NRXN1: variants seen among roughly 807,000 people sequenced by gnomAD.
The protein encoded by NRXN1 is neurexin 1, also known as neurexin-1.
NRXN1 carries 39 observed loss-of-function variants against 150.9 expected under a neutral mutation model. The observed-to-expected ratio is 0.26, with a 90% CI of 0.20 to 0.34. NRXN1 has a LOEUF of 0.34. Among genes scored for constraint, NRXN1 ranks in the 10% least tolerant of loss-of-function variants. NRXN1 has a pLI of 1.00. For missense variants in NRXN1, 1,815 were observed against 1,949.9 expected, an observed-to-expected ratio of 0.93 and a Z score of 1.30; for synonymous variants, 924 against 757.0, an observed-to-expected ratio of 1.22 and a Z score of -3.62.
chr2:50,518,773 T>C (rs570931045), intron 12 of NRXN1, among the ~76,000 whole-genome samples: 1 of 151,846 alleles, frequency 6.6e-6, no homozygotes, highest in Non-Finnish European at 1.5e-5. Flanking sequence ...GAATTTACCT[T>C]TTACTTTCCA....
chr2:50,707,108 G>T (rs760860558), intron 5 of NRXN1, among the ~76,000 whole-genome samples: 1 of 152,064 alleles, frequency 6.6e-6, no homozygotes, highest in Non-Finnish European at 1.5e-5. Context: ...ATTTTCTAAA[G>T]GAAAATAGGT....
At chr2:50,067,298 C>T (rs1695512556) in intron 19 of NRXN1, among the ~76,000 whole-genome samples, 1 of 152,180 alleles carries the variant, frequency 6.6e-6, no homozygotes, top group Admixed American at 6.5e-5. Context: ...AAGTGTTTTA[C>T]ACAAAGATTT....
intron 17 of NRXN1, among the ~76,000 whole-genome samples, chr2:50,277,279 A>C (rs568806128): frequency 1.3e-5 from 2 of 152,232 alleles, no homozygotes; most frequent in South Asian, 2.1e-4. Flanking sequence ...TAAATAAATA[A>C]ATGTTAAAAA....
At chr2:49,947,389 A>G (rs887941927) in intron 21 of NRXN1, among the ~76,000 whole-genome samples, 2 of 151,906 alleles carry the variant, frequency 1.3e-5, no homozygotes, top group African/African-American at 4.8e-5. Flanking sequence ...TAATATGTGG[A>G]AATATTTGAG....
intron 17 of NRXN1, among the ~76,000 whole-genome samples, chr2:50,402,848 T>A (rs2082486234): frequency 6.6e-6 from 1 of 151,988 alleles, no homozygotes; most frequent in East Asian, 1.9e-4. Flanking sequence ...TAAATTGCAA[T>A]TAGTAATAAT....
At chr2:50,212,357 A>T (rs1053370640) in intron 18 of NRXN1, among the ~76,000 whole-genome samples, 1 of 151,226 alleles carries the variant, frequency 6.6e-6, no homozygotes, top group Admixed American at 6.6e-5. Context: ...AATTCCACAG[A>T]TTATTTCACC....
intron 21 of NRXN1, chr2:49,974,170 C>T (rs912916443): frequency 8.4e-6 from 6 of 711,222 alleles, no homozygotes; most frequent in Non-Finnish European, 1.6e-5. Flanking sequence ...TATCAGTGCC[C>T]TGCACACAGA....
intron 9 of NRXN1, among the ~76,000 whole-genome samples, chr2:50,551,563 A>C (rs1452561914): frequency 6.6e-6 from 1 of 152,136 alleles, no homozygotes; most frequent in Admixed American, 6.5e-5. Flanking sequence ...AGTCTAAAAG[A>C]AGCACTCAGC....
chr2:50,492,981 T>C (rs2091346095), intron 15 of NRXN1, among the ~76,000 whole-genome samples: 1 of 152,170 alleles, frequency 6.6e-6, no homozygotes, highest in Non-Finnish European at 1.5e-5. Context: ...TGGTCTGAGA[T>C]AGGATCCAGA....
Position 50,301,497 on chromosome 2 carries a change from G to A in NRXN1, c.3365-64527C>T, listed in dbSNP as rs1015861236. 7.2e-5 allele frequency among the ~76,000 whole-genome samples: 11 copies of A among 152,286 alleles called. No individual in the cohort carries two copies. The South Asian group carries it at 2.1e-3, about 29-fold the overall frequency. On this transcript the variant is annotated intron_variant, in intron 17 of 22. Transcript: ENST00000401669. ...TAATAAGTTAACAGGTAATCTGTCTGTTTAAAATTGCATAACTGTGTTTAG... is the reference window on the plus strand; with the variant it reads ...TAATAAGTTAACAGGTAATCTGTCTATTTAAAATTGCATAACTGTGTTTAG...
chr2:50,764,237 A>G (rs895818449), intron 5 of NRXN1, among the ~76,000 whole-genome samples: 1 of 151,978 alleles, frequency 6.6e-6, no homozygotes, highest in Non-Finnish European at 1.5e-5. Context: ...TGATCAGCAA[A>G]CAAAGCCCCT....
At chr2:50,805,181 T>C (rs1044001615) in intron 5 of NRXN1, among the ~76,000 whole-genome samples, 1 of 152,032 alleles carries the variant, frequency 6.6e-6, no homozygotes, top group Non-Finnish European at 1.5e-5. Context: ...AAATAAAATA[T>C]GTCTTCTACT....
intron 17 of NRXN1, among the ~76,000 whole-genome samples, chr2:50,406,357 T>G (rs2082750063): frequency 6.6e-6 from 1 of 152,182 alleles, no homozygotes; most frequent in African/African-American, 2.4e-5. Context: ...TTTTAAAGTC[T>G]GTCTGGATCT....
chr2:50,302,525 A>T (rs2074251412), intron 17 of NRXN1, among the ~76,000 whole-genome samples: 1 of 152,170 alleles, frequency 6.6e-6, no homozygotes, highest in South Asian at 2.1e-4. Flanking sequence ...GCTAAGACCA[A>T]TTCCATTATC....
At chr2:50,762,799 C>T (rs1701959947) in intron 5 of NRXN1, among the ~76,000 whole-genome samples, 1 of 151,938 alleles carries the variant, frequency 6.6e-6, no homozygotes, top group African/African-American at 2.4e-5. Context: ...CTGTGATAAA[C>T]ATGCCAGTTC....
intron 5 of NRXN1, chr2:50,829,424 G>A (rs1378321709): frequency 3.3e-5 from 48 of 1,449,534 alleles, no homozygotes; most frequent in South Asian, 1.1e-4. Flanking sequence ...CACTGTGCCC[G>A]GCTAACTCAG....
intron 21 of NRXN1, among the ~76,000 whole-genome samples, chr2:49,956,760 A>C (rs1028757297): frequency 7.2e-5 from 11 of 152,130 alleles, no homozygotes; most frequent in African/African-American, 2.4e-4. Context: ...GTGATAAAGG[A>C]GATAGTCTTT....
intron 4 of NRXN1, chr2:50,922,419 T>C (rs573346401): frequency 1.7e-6 from 1 of 599,056 alleles, no homozygotes; most frequent in African/African-American, 1.9e-5. Flanking sequence ...ATGTCTCATT[T>C]ATTTGCAAAT....
chr2:50,728,539 G>A (rs1697680801), intron 5 of NRXN1, among the ~76,000 whole-genome samples: 1 of 152,214 alleles, frequency 6.6e-6, no homozygotes, highest in Non-Finnish European at 1.5e-5. Flanking sequence ...TTTGACATTA[G>A]TGTACCTTAA....
Sources: allele counts gnomAD v4.1 joint callset (sites outside exome capture counted in the v4.1 genomes callset), GRCh38; gene constraint gnomAD v4.1.1; transcripts MANE v1.5; gene names NCBI Gene and HGNC (gene_info 2026-07-23, HGNC 2026-07-21).